Variants in RGS22 observed in about 807,000 individuals in gnomAD.
The protein encoded by RGS22 is regulator of G-protein signaling 22.
In RGS22, 148 loss-of-function variants were observed where a neutral mutation model predicts 172.9. The observed-to-expected ratio is 0.86, with a 90% confidence interval of 0.75 to 0.98. The LOEUF (loss-of-function observed/expected upper bound fraction) is 0.98. Among genes scored for constraint, RGS22 ranks in the 50% least tolerant of loss-of-function variants. The pLI is 0.00. For synonymous variants in RGS22, 458 were observed against 480.2 expected (o/e 0.95, Z 0.60); for missense variants, 1,347 against 1,440.8 (o/e 0.93, Z 1.05).
intron 21 of RGS22, among the ~76,000 whole-genome samples, chr8:99,985,703 C>T: frequency 6.6e-6 from 1 of 152,126 alleles, no homozygotes; most frequent in East Asian, 1.9e-4. Flanking sequence ...TATTGTAAGT[C>T]TGTCATGCTA....
chr8:99,962,767 C>T lies in RGS22; in HGVS notation c.3710G>A (p.Gly1237Asp), dbSNP rs1297479629. 2.5e-6 allele frequency: 4 copies of T among 1,604,728 alleles called. No homozygotes were observed. In the South Asian group the frequency reaches 4.5e-5, roughly 18 times the overall value. ...CTTAAAATTTGTGAGAGGTTGCAAG[C>T]CTGCACAAAAATAAAAGAGATAAGA... The part of the protein sequence containing the change: ...QEELEKKLFA[G>D]LQPLTNFKAS... Residue 1237 changes from glycine to aspartate, a missense_variant and splice_region_variant, in exon 26 of 28, where the codon GGC becomes GAC. Coordinates refer to ENST00000360863, the MANE Select transcript of RGS22 (RefSeq NM_015668.5).
chr8:100,102,040 A>G (rs1813537773), intron 2 of RGS22, among the ~76,000 whole-genome samples: 1 of 152,186 alleles, frequency 6.6e-6, no homozygotes, highest in Admixed American at 6.5e-5. Flanking sequence ...CATCCATCTC[A>G]TGATTTAAGA....
At chr8:100,014,937 T>C (rs778826971) in intron 14 of RGS22, among the ~76,000 whole-genome samples, 2 of 152,220 alleles carry the variant, frequency 1.3e-5, no homozygotes, top group African/African-American at 4.8e-5. Context: ...CCTGTACTTT[T>C]ATGTTTTTCC....
chr8:100,102,807 T>C (rs1357535716), intron 2 of RGS22, among the ~76,000 whole-genome samples: 1 of 152,222 alleles, frequency 6.6e-6, no homozygotes, highest in Non-Finnish European at 1.5e-5. Flanking sequence ...ATGTTGTCTT[T>C]ATCACAGAGA....
intron 14 of RGS22, among the ~76,000 whole-genome samples, chr8:100,025,177 T>C (rs1818049542): frequency 6.6e-6 from 1 of 152,174 alleles, no homozygotes; most frequent in Admixed American, 6.5e-5. Context: ...CTGCTGTGCT[T>C]GTTCTTCCTG....
chr8:100,033,324 G>A (rs1001792353), intron 14 of RGS22, among the ~76,000 whole-genome samples: 7 of 151,500 alleles, frequency 4.6e-5, no homozygotes, highest in Non-Finnish European at 1.5e-5. Flanking sequence ...AATTAAAAAT[G>A]ATAAAGGAGA....
At chr8:100,012,849 CTTTT>C (rs1164486926) in intron 14 of RGS22, among the ~76,000 whole-genome samples, 5 of 151,844 alleles carry the variant, frequency 3.3e-5, no homozygotes, top group African/African-American at 4.8e-5. Flanking sequence ...TTGAAATATG[CTTTT>C]TTCTTTTGCA....
At position 99,981,363 on chromosome 8, in the gene RGS22, A is replaced by T. The variant is rs183011422; in HGVS notation, c.3360+574T>A. On this transcript the variant is annotated intron_variant, in intron 22 of 27. Coordinates refer to ENST00000360863, the MANE Select transcript of RGS22 (RefSeq NM_015668.5). ...GAGCTATGTGAATATTCCAATCTTTAAAAATACACAAATCTTGGGACACAC... is the reference window on the plus strand; with the variant it reads ...GAGCTATGTGAATATTCCAATCTTTTAAAATACACAAATCTTGGGACACAC... Among the ~76,000 whole-genome samples, 94 of 152,296 alleles carry T rather than the reference A, an allele frequency of 6.2e-4. 1 individual carries two copies. The highest frequency in any genetic ancestry group is 6.5e-4 in the Non-Finnish European group (44 of 68,016).
chr8:100,084,444 A>G (rs960903705), intron 3 of RGS22, among the ~76,000 whole-genome samples: 4 of 152,244 alleles, frequency 2.6e-5, no homozygotes, highest in Non-Finnish European at 5.9e-5. Flanking sequence ...CAGTAAAAAC[A>G]ACAAAAGGAA....
At chr8:100,005,894 C>T (rs921191676) in intron 16 of RGS22, 123 bp downstream of exon 16, 1 of 603,566 alleles carries the variant, frequency 1.7e-6, no homozygotes, top group Non-Finnish European at 2.9e-6. Flanking sequence ...GGCAAAGGAA[C>T]AGCAGAAAAA....
At position 100,002,248 on chromosome 8, in the gene RGS22, T is replaced by C. The variant is rs1314978629; in HGVS notation, c.2744A>G (p.Tyr915Cys). Residue 915 changes from tyrosine (Y) to cysteine (C), a missense_variant, in exon 18 of 28, where the codon TAT becomes TGT. By Grantham distance (194) the Tyr-to-Cys change is radical. Coordinates refer to ENST00000360863, the MANE Select transcript of RGS22 (RefSeq NM_015668.5). ...YIKNKYLNKK[Y>C]FFGPNSPASL... ...AGCTGGACTGTTGGGTCCAAAGAAA[T>C]ATTTTTTATTAAGGTATTTGTTTTT... 1 of 1,609,622 alleles carries C rather than the reference T, an allele frequency of 6.2e-7. No individual in the cohort carries two copies. Among genetic ancestry groups the C allele is most frequent in the African/African-American group, 1.3e-5 (1 of 74,634 alleles).
At chr8:100,079,849 C>G (rs182166522) in intron 4 of RGS22, among the ~76,000 whole-genome samples, 1 of 152,010 alleles carries the variant, frequency 6.6e-6, no homozygotes, top group African/African-American at 2.4e-5. Context: ...TTTTCAATAA[C>G]GCATCAAAAT....
At chr8:100,069,743 C>T (rs529346010) in intron 6 of RGS22, among the ~76,000 whole-genome samples, 1 of 152,232 alleles carries the variant, frequency 6.6e-6, no homozygotes, top group East Asian at 1.9e-4. Flanking sequence ...TGTTCTTCAA[C>T]CTTGCCTTTG....
intron 2 of RGS22, among the ~76,000 whole-genome samples, chr8:100,098,436 G>C (rs1175260884): frequency 6.6e-6 from 1 of 152,234 alleles, no homozygotes; most frequent in Non-Finnish European, 1.5e-5. Flanking sequence ...ACATCTTGTT[G>C]AAAGTATAGC....
chr8:100,002,395 C>T, intron 17 of RGS22, 31 bp from the exon 18 acceptor site: 2 of 1,555,828 alleles, frequency 1.3e-6, no homozygotes, highest in Non-Finnish European at 1.7e-6. Flanking sequence ...ATGTATAGCT[C>T]TTCATATTTC....
intron 10 of RGS22, among the ~76,000 whole-genome samples, chr8:100,052,222 C>T (rs1286652024): frequency 1.1e-5 from 1 of 87,790 alleles, no homozygotes; most frequent in Non-Finnish European, 2.1e-5. Context: ...TAAATATACA[C>T]ATATATATGT....
At chr8:100,055,297 G>C (rs770558122) in intron 9 of RGS22, among the ~76,000 whole-genome samples, 3 of 152,190 alleles carry the variant, frequency 2.0e-5, no homozygotes, top group Admixed American at 6.5e-5. Context: ...AACAGAAAGA[G>C]AGACTCTATT....
rs2131845146 is a variant in RGS22, at chr8:100,071,539, T to C, written c.426-2A>G. The C allele has an allele frequency of 1.3e-6, 2 of 1,583,108 alleles. No individual in the cohort carries two copies. Reference sequence around the variant, plus strand: ...ACTTGTGAGACCAATTTGGCTAACCTGCATTTTAGAAATCATACAAATTTA... The same window carrying C: ...ACTTGTGAGACCAATTTGGCTAACCCGCATTTTAGAAATCATACAAATTTA... On this transcript the variant is annotated splice_acceptor_variant, in intron 5 of 27. Transcript: ENST00000360863. LOFTEE classifies it high-confidence loss of function.
At chr8:100,031,204 T>C (rs1818756241) in intron 14 of RGS22, among the ~76,000 whole-genome samples, 1 of 152,180 alleles carries the variant, frequency 6.6e-6, no homozygotes, top group Admixed American at 6.5e-5. Flanking sequence ...ACTAACTGAC[T>C]TAACAAAGTT....
Sources: allele counts gnomAD v4.1 joint callset (sites outside exome capture counted in the v4.1 genomes callset), GRCh38; gene constraint gnomAD v4.1.1; transcripts MANE v1.5; gene names NCBI Gene and HGNC (gene_info 2026-07-23, HGNC 2026-07-21).